VPS13C: variants seen among roughly 807,000 people sequenced by gnomAD.
The protein encoded by VPS13C is vacuolar protein sorting 13 homolog C, also known as intermembrane lipid transfer protein VPS13C.
VPS13C carries 358 observed loss-of-function variants against 456.8 expected under a neutral mutation model. That is an observed-to-expected ratio of 0.78 (90% CI 0.72 to 0.86). The LOEUF (loss-of-function observed/expected upper bound fraction) is 0.86. Among genes scored for constraint, VPS13C ranks in the 40% least tolerant of loss-of-function variants. The probability of loss-of-function intolerance (pLI) is 0.00; values close to 1 mark genes in which losing one functional copy is unlikely to be tolerated. For missense variants in VPS13C, 4,818 were observed against 4,385.4 expected, an observed-to-expected ratio of 1.10 and a Z score of -2.79; for synonymous variants, 1,578 against 1,486.7, an observed-to-expected ratio of 1.06 and a Z score of -1.41.
intron 1 of VPS13C, among the ~76,000 whole-genome samples, chr15:62,047,147 G>A (rs1031884874): frequency 1.3e-5 from 2 of 151,646 alleles, no homozygotes; most frequent in African/African-American, 4.8e-5. Flanking sequence ...AATATTGGCC[G>A]GTGTGCAGTG....
intron 1 of VPS13C, among the ~76,000 whole-genome samples, chr15:62,052,523 A>G (rs2048655373): frequency 6.6e-6 from 1 of 151,950 alleles, no homozygotes; most frequent in South Asian, 2.1e-4. Context: ...ATACAAAAAA[A>G]TTAGCCAGGC....
chr15:61,859,448 C>T (rs1055976610), intron 82 of VPS13C, among the ~76,000 whole-genome samples: 4 of 152,178 alleles, frequency 2.6e-5, no homozygotes, highest in African/African-American at 9.7e-5. Flanking sequence ...CCCTTAGAAT[C>T]TTATGAGCTG....
chr15:62,033,492 G>A lies in VPS13C; in HGVS notation c.334C>T (p.Gln112Ter). The change falls in exon 5 of 85, where the codon CAG (glutamine) becomes TAG (stop). Residue 112 changes from glutamine (Q) to a stop codon, truncating the protein, a stop_gained. Transcript: ENST00000644861. LOFTEE classifies it high-confidence loss of function. ...TCTTCAATTCGGGATAGCTCTTTCT[G>A]TTTAACATCCTGCAAGGATTTTTCT... Reference protein sequence around the residue: ...KEEKSLQDVKQKELSRIEEAL... With the variant: ...KEEKSLQDVK 1 of 1,607,716 alleles carries A rather than the reference G, an allele frequency of 6.2e-7. No homozygotes were observed. Among genetic ancestry groups the A allele is most frequent in the Non-Finnish European group, 8.5e-7 (1 of 1,176,676 alleles).
chr15:61,984,905 A>G lies in VPS13C; in HGVS notation c.1673T>C (p.Ile558Thr). Residue 558 changes from isoleucine to threonine, a missense_variant, in exon 19 of 85, where the codon ATT (isoleucine) becomes ACT (threonine). By Grantham distance (89) the Ile-to-Thr change is moderately conservative. This residue lies in a region of VPS13C where 4,552 missense variants were observed against 4,130.6 expected (regional missense o/e 1.10). Coordinates refer to ENST00000644861, the MANE Select transcript of VPS13C (RefSeq NM_020821.3). ...NIPEILKIQI[I>T]GLGTQVSQRP... ...CTGAGATACTTGAGTGCCCAGGCCA[A>G]TTATCTGAATTTTTAGTATTTCTGG... The G allele has an allele frequency of 6.2e-7, 1 of 1,612,746 alleles. No homozygotes were observed. The highest frequency in any genetic ancestry group is 8.5e-7 in the Non-Finnish European group (1 of 1,179,658).
chr15:62,053,055 A>C (rs1385674744), intron 1 of VPS13C, among the ~76,000 whole-genome samples: 1 of 152,260 alleles, frequency 6.6e-6, no homozygotes, highest in Non-Finnish European at 1.5e-5. Context: ...AATGCTACTT[A>C]AATATGTGAA....
chr15:61,931,086 A>C lies in VPS13C; in HGVS notation c.6038+4T>G, dbSNP rs1281178536. 2 of 1,613,890 alleles carry C rather than the reference A, an allele frequency of 1.2e-6. No homozygotes were observed. Among genetic ancestry groups the C allele is most frequent in the Non-Finnish European group, 1.7e-6 (2 of 1,180,010 alleles). On this transcript the variant is annotated splice_donor_region_variant and intron_variant, in intron 50 of 84. Coordinates refer to ENST00000644861, the MANE Select transcript of VPS13C (RefSeq NM_020821.3). ...AATGTATTGCAAACTCAGAGCTGAC[A>C]AACCTCGATGTTGCTCTCTCAATTC...
intron 16 of VPS13C, 115 bp from the exon 17 acceptor site, chr15:61,991,917 T>G: frequency 8.9e-7 from 1 of 1,129,386 alleles, no homozygotes; most frequent in South Asian, 1.7e-5. Context: ...TACGTAACAT[T>G]GCACCAGTCA....
intron 74 of VPS13C, 48 bp downstream of exon 74, chr15:61,878,559 A>G (rs1162077386): frequency 1.3e-6 from 2 of 1,587,576 alleles, no homozygotes; most frequent in South Asian, 1.2e-5. Flanking sequence ...GTCTAGAAAC[A>G]TGACCTTGGT....
At chr15:61,932,457 G>A (rs1596348336) in intron 49 of VPS13C, among the ~76,000 whole-genome samples, 1 of 151,676 alleles carries the variant, frequency 6.6e-6, no homozygotes, top group Non-Finnish European at 1.5e-5. Flanking sequence ...TTCATGTATA[G>A]AAAAATGGAC....
intron 18 of VPS13C, among the ~76,000 whole-genome samples, chr15:61,990,682 G>A (rs147991541): frequency 0.013 from 1,962 of 152,066 alleles, 26 homozygotes; most frequent in Non-Finnish European, 0.021. Context: ...AGGGTGGCAG[G>A]TGCCTGTAAT....
rs763244289 is a variant in VPS13C, at chr15:61,927,214, C to A, written c.6393G>T (p.Ser2131=). The change falls in exon 52 of 85, where the codon TCG becomes TCT. Residue 2131 remains serine, a synonymous_variant. Coordinates refer to ENST00000644861, the MANE Select transcript of VPS13C (RefSeq NM_020821.3). ...TKADAPALTA[S]FQCNLSLSTS... The stretch of plus-strand genomic sequence containing the variant: ...TTGACAGAGAAAGGTTGCACTGAAA[C>A]GAGGCTGTCAGAGCAGGAGCATCAG... The A allele has an allele frequency of 5.6e-6, 9 of 1,614,004 alleles. No individual in the cohort carries two copies. Among genetic ancestry groups the A allele is most frequent in the Non-Finnish European group, 5.1e-6 (6 of 1,180,020 alleles).
chr15:61,890,447 A>G, intron 66 of VPS13C, 47 bp from the exon 67 acceptor site: 1 of 1,492,726 alleles, frequency 6.7e-7, no homozygotes, highest in African/African-American at 1.4e-5. Context: ...GTAACTTGTT[A>G]TTATATAAAA....
chr15:61,876,235 C>T (rs903684839), intron 75 of VPS13C, among the ~76,000 whole-genome samples: 1 of 151,876 alleles, frequency 6.6e-6, no homozygotes, highest in African/African-American at 2.4e-5. Context: ...GAGTTAATGA[C>T]CAGTCTGGGC....
chr15:61,980,988 T>C (rs1187676554), intron 22 of VPS13C, among the ~76,000 whole-genome samples: 2 of 152,216 alleles, frequency 1.3e-5, no homozygotes, highest in Non-Finnish European at 1.5e-5. Flanking sequence ...TTAACAAATA[T>C]ACATTCATAT....
chr15:61,920,723 C>T lies in VPS13C; in HGVS notation c.7063-76G>A, dbSNP rs973463745. 6 of 1,344,342 alleles carry T rather than the reference C, an allele frequency of 4.5e-6. No individual in the cohort carries two copies. The African/African-American group carries it at 9.1e-5, about 20-fold the overall frequency. 83.3% of individuals were successfully genotyped at this position (1,344,342 alleles called of 1,614,324 possible). A position where few individuals can be genotyped will look rare whatever the true frequency, so the allele number is the denominator to read the frequency against. On this transcript the variant is annotated intron_variant, in intron 55 of 84. Transcript: ENST00000644861. ...AAAATAAAAATGCTGGAGTTCAGTT[C>T]TCCTAAACTGATCACTTTATAGTAA...
intron 8 of VPS13C, among the ~76,000 whole-genome samples, chr15:62,022,211 A>C (rs543971404): frequency 1.3e-5 from 2 of 151,944 alleles, no homozygotes; most frequent in Non-Finnish European, 2.9e-5. Context: ...TGCAAACACA[A>C]ACAGTACCAA....
At chr15:61,870,301 A>T (rs1429518557) in intron 79 of VPS13C, among the ~76,000 whole-genome samples, 3 of 151,860 alleles carry the variant, frequency 2.0e-5, no homozygotes, top group Admixed American at 2.0e-4. Flanking sequence ...CCACCTCCAG[A>T]CTAGGTAACC....
At chr15:61,973,345 G>T (rs927563371) in intron 26 of VPS13C, 109 bp downstream of exon 26, 52 of 869,996 alleles carry the variant, frequency 6.0e-5, no homozygotes, top group Non-Finnish European at 9.0e-5. Context: ...ACTAAAACCA[G>T]TAAATTACTA....
intron 77 of VPS13C, among the ~76,000 whole-genome samples, chr15:61,874,146 G>T (rs933045842): frequency 1.3e-5 from 2 of 152,064 alleles, no homozygotes; most frequent in Admixed American, 6.6e-5. Flanking sequence ...CATAGAATTA[G>T]AGAGTAGAAC....
Sources: gnomAD v4.1 joint callset for allele counts (sites outside exome capture counted in the v4.1 genomes callset) on GRCh38, gnomAD v4.1.1 for gene constraint, gnomAD v4.1.1 regional missense constraint, MANE v1.5 for transcripts, NCBI Gene and HGNC (gene_info 2026-07-23, HGNC 2026-07-21) for gene names.